Variants in GABRA3 observed in about 807,000 individuals in gnomAD.
GABRA3 encodes the protein gamma-aminobutyric acid receptor subunit alpha-3.
A neutral mutation model predicts 30.1 loss-of-function variants in GABRA3; 10 were observed. The observed-to-expected ratio is 0.33, with a 90% CI of 0.20 to 0.56. GABRA3 has a LOEUF of 0.56. GABRA3 is among the 20% of genes least tolerant of loss of function. The pLI is 0.89. For synonymous variants in GABRA3, 151 were observed against 146.8 expected (o/e 1.03, Z -0.21); for missense variants, 233 against 392.0 (o/e 0.59, Z 3.42).
chrX:152,220,757 G>A (rs1569359670), intron 6 of GABRA3, among the ~76,000 whole-genome samples: 1 of 111,009 alleles, frequency 9.0e-6, no homozygotes, highest in Non-Finnish European at 1.9e-5. Context: ...TCTAATGGGT[G>A]TGTACTGGTA....
chrX:152,375,386 T>G (rs990119185), intron 1 of GABRA3, among the ~76,000 whole-genome samples: 4 of 112,308 alleles, frequency 3.6e-5, no homozygotes, highest in Non-Finnish European at 7.5e-5. Flanking sequence ...TTATGCATAA[T>G]TGCTCCTATA....
At chrX:152,435,943 C>T (rs1423167959) in intron 1 of GABRA3, among the ~76,000 whole-genome samples, 1 of 111,010 alleles carries the variant, frequency 9.0e-6, no homozygotes, top group East Asian at 2.8e-4. Context: ...GCATGTATTA[C>T]TTAAGATAAA....
chrX:152,308,827 T>A (rs1045596435), intron 3 of GABRA3, among the ~76,000 whole-genome samples: 34 of 112,120 alleles, frequency 3.0e-4, no homozygotes, highest in African/African-American at 1.1e-3. Flanking sequence ...GACATAGAAT[T>A]CAGCATGCAG....
intron 1 of GABRA3, among the ~76,000 whole-genome samples, chrX:152,382,128 A>C (rs1569413316): frequency 8.9e-6 from 1 of 112,445 alleles, no homozygotes. Context: ...GGATATTAAC[A>C]GACACTTCTC....
chrX:152,267,909 G>A (rs1938857154), intron 4 of GABRA3, among the ~76,000 whole-genome samples: 1 of 109,052 alleles, frequency 9.2e-6, no homozygotes. Flanking sequence ...TGTAGCTACA[G>A]GTTTGTTGAT....
intron 4 of GABRA3, among the ~76,000 whole-genome samples, chrX:152,275,535 TC>T (rs1333702055): frequency 1.4e-5 from 1 of 69,609 alleles, no homozygotes; most frequent in East Asian, 4.5e-4. Context: ...GGCAGGCAGA[TC>T]ACAAGATCAG....
chrX:152,292,766 G>A (rs1429267925), intron 3 of GABRA3, among the ~76,000 whole-genome samples: 4 of 111,611 alleles, frequency 3.6e-5, no homozygotes, highest in Non-Finnish European at 7.5e-5. Flanking sequence ...GTTCTCATTG[G>A]TGTCAAAGAA....
At chrX:152,317,169 A>G (rs997264554) in intron 3 of GABRA3, among the ~76,000 whole-genome samples, 1 of 111,985 alleles carries the variant, frequency 8.9e-6, no homozygotes, top group Non-Finnish European at 1.9e-5. Context: ...AGGAGTAGCT[A>G]TTCTTACATC....
At chrX:152,434,246 G>A (rs1180374252) in intron 1 of GABRA3, among the ~76,000 whole-genome samples, 1 of 110,998 alleles carries the variant, frequency 9.0e-6, no homozygotes, top group Non-Finnish European at 1.9e-5. Flanking sequence ...ATGTAAAGCA[G>A]GCAGAAAAAC....
intron 6 of GABRA3, among the ~76,000 whole-genome samples, chrX:152,212,311 AAAAAAAAAAAAAAAAAAAAAT>A (rs1296360440): frequency 1.0e-3 from 81 of 78,641 alleles, no homozygotes; most frequent in African/African-American, 1.1e-3. Context: ...AAAAAAAAAA[AAAAAAAAAAAAAAAAAAAAAT>A]TCCAAATTGC....
intron 2 of GABRA3, among the ~76,000 whole-genome samples, chrX:152,350,604 C>T (rs952026645): frequency 4.5e-5 from 5 of 111,569 alleles, no homozygotes; most frequent in African/African-American, 6.5e-5. Flanking sequence ...ACTGAAGTCT[C>T]GAACCCCTCA....
chrX:152,190,118 T>G (rs755715021), intron 8 of GABRA3, among the ~76,000 whole-genome samples, 177 bp from the exon 9 acceptor site: 3 of 111,633 alleles, frequency 2.7e-5, no homozygotes, highest in Non-Finnish European at 3.8e-5. Flanking sequence ...GTCCACCTAG[T>G]AACCAGCCCA....
intron 5 of GABRA3, among the ~76,000 whole-genome samples, chrX:152,236,036 C>T (rs2124394341): frequency 1.1e-5 from 1 of 92,110 alleles, no homozygotes; most frequent in Non-Finnish European, 2.1e-5. Flanking sequence ...GGTACATGTG[C>T]ACATTGTGCA....
chrX:152,207,862 T>A (rs1937585048), intron 7 of GABRA3, 139 bp downstream of exon 7: 2 of 590,723 alleles, frequency 3.4e-6, no homozygotes, highest in Non-Finnish European at 5.2e-6. Flanking sequence ...TGAACTTTTA[T>A]ATACTCAGTT....
At chrX:152,441,873 T>C (rs1050910806) in intron 1 of GABRA3, among the ~76,000 whole-genome samples, 1 of 111,894 alleles carries the variant, frequency 8.9e-6, no homozygotes, top group African/African-American at 3.2e-5. Flanking sequence ...TCTTGAACTC[T>C]TCAGCAAAAT....
rs148795236 is a variant in GABRA3, at chrX:152,270,384, C to T, written c.330+14284G>A. On this transcript the variant is annotated intron_variant, in intron 4 of 9. Transcript: ENST00000370314. ...ATGCTGAACTGTGAGTCAATTAAAC[C>T]TCTTTCCTTTATAAATTACAGTCTT... Among the ~76,000 whole-genome samples the T allele has an allele frequency of 6.9e-3, 776 of 112,016 alleles. 7 individuals carry two copies. Among genetic ancestry groups the T allele is most frequent in the Non-Finnish European group, 9.8e-3 (522 of 53,154 alleles).
intron 1 of GABRA3, among the ~76,000 whole-genome samples, chrX:152,388,062 TTAAA>T (rs1462702804): frequency 1.8e-5 from 2 of 112,121 alleles, no homozygotes; most frequent in Non-Finnish European, 3.8e-5. Flanking sequence ...AACAGAATGG[TTAAA>T]TAAACAATGG....
chrX:152,299,433 C>G (rs5970264), intron 3 of GABRA3, among the ~76,000 whole-genome samples: 22,420 of 107,505 alleles, frequency 0.21, 2,607 homozygotes, highest in African/African-American at 0.41. Context: ...TTGGGATAAG[C>G]GGGGAAGCAG....
rs909598622 is a variant in GABRA3 at position 152,291,980 on chromosome X, T to C, written c.263-7245A>G. Among the ~76,000 whole-genome samples the C allele has an allele frequency of 6.3e-5, 7 of 111,952 alleles. No homozygotes were observed. In the East Asian group the frequency reaches 2.0e-3, roughly 31 times the overall value. On this transcript the variant is annotated intron_variant, in intron 3 of 9. Coordinates refer to ENST00000370314, the MANE Select transcript of GABRA3 (RefSeq NM_000808.4). ...AGGGATATTGGTTTAAAATTCTCTTTTTTTTGTTGTGTCTCTGCCAGGCTT... is the reference window on the plus strand; with the variant it reads ...AGGGATATTGGTTTAAAATTCTCTTCTTTTTGTTGTGTCTCTGCCAGGCTT...
Sources: gnomAD v4.1 joint callset for allele counts (sites outside exome capture counted in the v4.1 genomes callset) on GRCh38, gnomAD v4.1.1 for gene constraint, MANE v1.5 for transcripts, NCBI Gene and HGNC (gene_info 2026-07-23, HGNC 2026-07-21) for gene names.